Variants in CTNNA3 observed in about 807,000 individuals in gnomAD.
CTNNA3 encodes the protein catenin alpha-3.
CTNNA3 carries 76 observed loss-of-function variants against 95.7 expected under a neutral mutation model. The ratio of observed to expected loss-of-function variants is 0.79; its 90% CI spans 0.66 to 0.96. CTNNA3 has a LOEUF of 0.96. CTNNA3 is among the 40% of genes least tolerant of loss of function. The pLI is 0.00. For synonymous variants in CTNNA3, 431 were observed against 374.4 expected (o/e 1.15, Z -1.74); for missense variants, 1,191 against 1,089.8 (o/e 1.09, Z -1.31).
chr10:66,516,385 T>C lies in CTNNA3; in HGVS notation c.1531+4232A>G, dbSNP rs142146455. On this transcript the variant is annotated intron_variant, in intron 11 of 17. Transcript: ENST00000433211. ...CTTGACTGTTTAATGGCCATTTCTCTTTTTTTACTAACAAATCTCTGATTT... is the reference window on the plus strand; with the variant it reads ...CTTGACTGTTTAATGGCCATTTCTCCTTTTTTACTAACAAATCTCTGATTT... Among the ~76,000 whole-genome samples the C allele has an allele frequency of 5.2e-3, 791 of 152,264 alleles. 5 individuals carry two copies. Among genetic ancestry groups the C allele is most frequent in the African/African-American group, 0.018 (757 of 41,552 alleles).
At chr10:66,667,230 G>A (rs1350215103) in intron 9 of CTNNA3, among the ~76,000 whole-genome samples, 2 of 151,598 alleles carry the variant, frequency 1.3e-5, no homozygotes, top group Non-Finnish European at 1.5e-5. Flanking sequence ...AGAGCACAAA[G>A]TTAAATTTAT....
chr10:67,608,861 C>A (rs576687849), intron 2 of CTNNA3, among the ~76,000 whole-genome samples: 2 of 151,966 alleles, frequency 1.3e-5, no homozygotes, highest in African/African-American at 4.8e-5. Flanking sequence ...GAGGCCGAGG[C>A]GGGTGGATCA....
intron 7 of CTNNA3, among the ~76,000 whole-genome samples, chr10:66,911,336 G>A (rs1031094137): frequency 2.0e-5 from 3 of 152,106 alleles, no homozygotes; most frequent in Admixed American, 6.6e-5. Context: ...TTTGGATGGC[G>A]AGATCATGGT....
chr10:66,239,072 T>C (rs1019174302), intron 13 of CTNNA3, among the ~76,000 whole-genome samples: 1 of 151,810 alleles, frequency 6.6e-6, no homozygotes, highest in African/African-American at 2.4e-5. Flanking sequence ...GTCCAAGAGT[T>C]AAGCAATGGC....
At chr10:66,780,847 C>T (rs575085838) in intron 7 of CTNNA3, among the ~76,000 whole-genome samples, 2 of 152,194 alleles carry the variant, frequency 1.3e-5, no homozygotes, top group East Asian at 3.9e-4. Context: ...AATTTCCAAA[C>T]CCATAAAATG....
intron 5 of CTNNA3, among the ~76,000 whole-genome samples, chr10:67,505,862 G>A (rs1049587589): frequency 2.0e-5 from 3 of 152,086 alleles, no homozygotes; most frequent in Admixed American, 6.5e-5. Context: ...ATACTAATAT[G>A]AGCAGAATTT....
Position 66,365,013 on chromosome 10 carries a change from A to G in CTNNA3, c.1732+14139T>C, listed in dbSNP as rs187307216. 6.3e-3 allele frequency among the ~76,000 whole-genome samples: 962 copies of G among 152,290 alleles called. 7 individuals are homozygous for G. The highest frequency in any genetic ancestry group is 0.012 in the South Asian group (56 of 4,818). Reference sequence around the variant, plus strand: ...GCATTGTATTATTCATCCATTTAATATATACATTTACTGTATGTCAGGTCC... The same window carrying G: ...GCATTGTATTATTCATCCATTTAATGTATACATTTACTGTATGTCAGGTCC... On this transcript the variant is annotated intron_variant, in intron 12 of 17. Coordinates refer to ENST00000433211, the MANE Select transcript of CTNNA3 (RefSeq NM_013266.4).
At chr10:67,207,631 A>G (rs1241664099) in intron 6 of CTNNA3, among the ~76,000 whole-genome samples, 1 of 152,114 alleles carries the variant, frequency 6.6e-6, no homozygotes. Flanking sequence ...TTTGCTTTCC[A>G]TGTTCTAAAG....
intron 6 of CTNNA3, among the ~76,000 whole-genome samples, chr10:67,192,723 C>G (rs933870364): frequency 1.3e-5 from 2 of 151,726 alleles, no homozygotes; most frequent in African/African-American, 4.8e-5. Context: ...ATACAACTAC[C>G]AAAAGATCTA....
intron 12 of CTNNA3, among the ~76,000 whole-genome samples, chr10:66,291,528 T>C (rs2091680050): frequency 6.6e-6 from 1 of 152,118 alleles, no homozygotes; most frequent in Admixed American, 6.5e-5. Flanking sequence ...AAAAGAACCA[T>C]GAATTTGTTC....
At chr10:67,065,261 C>T (rs181607788) in intron 7 of CTNNA3, among the ~76,000 whole-genome samples, 1 of 152,226 alleles carries the variant, frequency 6.6e-6, no homozygotes, top group Non-Finnish European at 1.5e-5. Context: ...TGGCCTTGGG[C>T]AACTCCTTTG....
intron 9 of CTNNA3, among the ~76,000 whole-genome samples, chr10:66,737,491 A>G (rs1290997209): frequency 6.6e-6 from 1 of 152,174 alleles, no homozygotes; most frequent in Non-Finnish European, 1.5e-5. Flanking sequence ...TGATTCATCA[A>G]TGATATATGT....
chr10:65,971,166 G>A (rs1286751046), intron 16 of CTNNA3, among the ~76,000 whole-genome samples: 1 of 151,858 alleles, frequency 6.6e-6, no homozygotes, highest in African/African-American at 2.4e-5. Flanking sequence ...CAAAAGTGCT[G>A]TTAAGAGGAA....
chr10:66,542,669 A>G (rs1841897143), intron 10 of CTNNA3, among the ~76,000 whole-genome samples: 1 of 146,500 alleles, frequency 6.8e-6, no homozygotes, highest in Non-Finnish European at 1.5e-5. Flanking sequence ...GTTCTCACTC[A>G]TAGGTGGGAA....
chr10:67,216,893 C>T (rs1044138336), intron 6 of CTNNA3, among the ~76,000 whole-genome samples: 1 of 152,184 alleles, frequency 6.6e-6, no homozygotes, highest in Non-Finnish European at 1.5e-5. Context: ...CAATTCAGCA[C>T]TTCTCAGCTC....
At chr10:66,689,110 ATG>A (rs1847417094) in intron 9 of CTNNA3, among the ~76,000 whole-genome samples, 1 of 502 alleles carries the variant, frequency 2.0e-3, no homozygotes, top group Non-Finnish European at 3.9e-3. Flanking sequence ...CCATGAATCA[ATG>A]AATCAATGAA....
intron 7 of CTNNA3, among the ~76,000 whole-genome samples, chr10:66,879,759 A>G (rs1844773516): frequency 6.6e-6 from 1 of 152,110 alleles, no homozygotes; most frequent in African/African-American, 2.4e-5. Flanking sequence ...CAGAAGGCAG[A>G]GTGAAAATTA....
chr10:67,234,894 G>T (rs2132312232), intron 5 of CTNNA3, among the ~76,000 whole-genome samples: 1 of 147,108 alleles, frequency 6.8e-6, no homozygotes, highest in South Asian at 2.2e-4. Flanking sequence ...GCCAAATCAT[G>T]AGTGAACTCC....
At chr10:67,075,686 C>G (rs1038268910) in intron 7 of CTNNA3, among the ~76,000 whole-genome samples, 2 of 152,182 alleles carry the variant, frequency 1.3e-5, no homozygotes, top group Non-Finnish European at 2.9e-5. Flanking sequence ...TAAGTGCCCA[C>G]TACTATTAAT....
Sources: allele counts gnomAD v4.1 joint callset (sites outside exome capture counted in the v4.1 genomes callset), GRCh38; gene constraint gnomAD v4.1.1; transcripts MANE v1.5; gene names NCBI Gene and HGNC (gene_info 2026-07-23, HGNC 2026-07-21).